The following FOXN3 variants were observed in gnomAD, a reference collection of about 807,000 sequenced individuals.
FOXN3 encodes forkhead box N3.
Under a neutral mutation model 38.4 loss-of-function variants are expected in FOXN3, and 7 were observed. The ratio of observed to expected loss-of-function variants is 0.18; its 90% CI spans 0.10 to 0.34. The LOEUF is 0.34. Among genes scored for constraint, FOXN3 ranks in the 10% least tolerant of loss-of-function variants. The pLI is 1.00. For missense variants in FOXN3, 456 were observed against 613.4 expected, an observed-to-expected ratio of 0.74 and a Z score of 2.71; for synonymous variants, 230 against 242.2, an observed-to-expected ratio of 0.95 and a Z score of 0.47.
At chr14:89,422,829 G>A (rs1891942789) in intron 1 of FOXN3, among the ~76,000 whole-genome samples, 1 of 152,176 alleles carries the variant, frequency 6.6e-6, no homozygotes, top group Admixed American at 6.5e-5. Context: ...ACTTTAAGAG[G>A]GAAGCAGGGT....
At chr14:89,505,859 G>A (rs1893911462) in intron 1 of FOXN3, among the ~76,000 whole-genome samples, 1 of 150,018 alleles carries the variant, frequency 6.7e-6, no homozygotes, top group Non-Finnish European at 1.5e-5. Flanking sequence ...CCCATCATCT[G>A]AGATGTGGGG....
intron 1 of FOXN3, chr14:89,577,037 C>A (rs243196): frequency 0.89 from 135,576 of 152,168 alleles, 60,764 homozygotes; most frequent in African/African-American, 0.94. Context: ...CTCTTGTCAC[C>A]GTAAAAGGCT....
In FOXN3 at chr14:89,256,068, G is replaced by C. The variant is rs568963958; in HGVS notation, c.745+24882C>G. On this transcript the variant is annotated intron_variant, in intron 4 of 5. Transcript: ENST00000557258. The stretch of plus-strand genomic sequence containing the variant: ...GCACATCTGACATGCCCTAATAAAA[G>C]AACTCATGGTTGCCTGGTGCCAGCG... Among the ~76,000 whole-genome samples the C allele has an allele frequency of 2.0e-5, 3 of 152,246 alleles. No homozygotes were observed. In the East Asian group the frequency reaches 5.8e-4, roughly 29 times the overall value.
At chr14:89,299,012 G>A (rs150750373) in intron 3 of FOXN3, among the ~76,000 whole-genome samples, 108 of 147,382 alleles carry the variant, frequency 7.3e-4, no homozygotes, top group African/African-American at 2.5e-3. Context: ...AATGCCAACT[G>A]TCCTGCCAGT....
chr14:89,270,751 T>C (rs1886128469), intron 4 of FOXN3, among the ~76,000 whole-genome samples: 1 of 152,208 alleles, frequency 6.6e-6, no homozygotes, highest in Admixed American at 6.5e-5. Flanking sequence ...CATAGTAATC[T>C]TGCAAGAGGG....
intron 1 of FOXN3, among the ~76,000 whole-genome samples, chr14:89,570,146 C>T (rs1895461511): frequency 6.6e-6 from 1 of 152,008 alleles, no homozygotes; most frequent in African/African-American, 2.4e-5. Flanking sequence ...ACTACAGGTG[C>T]ATGCCACCAC....
chr14:89,555,233 G>A (rs2139869267), intron 1 of FOXN3, among the ~76,000 whole-genome samples: 1 of 152,258 alleles, frequency 6.6e-6, no homozygotes, highest in South Asian at 2.1e-4. Flanking sequence ...ACAAGTGCAA[G>A]TACATCTGTA....
intron 1 of FOXN3, among the ~76,000 whole-genome samples, chr14:89,491,134 G>C (rs369544374): frequency 6.4e-5 from 8 of 125,330 alleles, no homozygotes; most frequent in African/African-American, 3.0e-4. Context: ...GGCTAATTTT[G>C]TTTTTTGTTT....
At chr14:89,381,339 C>T (rs1446646951) in intron 2 of FOXN3, among the ~76,000 whole-genome samples, 5 of 151,766 alleles carry the variant, frequency 3.3e-5, no homozygotes, top group South Asian at 2.1e-4. Context: ...CCTCGAACCC[C>T]GAGGCCTACA....
intron 1 of FOXN3, among the ~76,000 whole-genome samples, chr14:89,435,308 C>G (rs1367445291): frequency 2.0e-5 from 3 of 151,328 alleles, no homozygotes; most frequent in African/African-American, 7.3e-5. Flanking sequence ...CGAGGTCAAG[C>G]CTTCACTGAG....
intron 4 of FOXN3, among the ~76,000 whole-genome samples, chr14:89,274,017 T>A (rs1161013141): frequency 6.6e-6 from 1 of 152,236 alleles, no homozygotes; most frequent in Admixed American, 6.5e-5. Context: ...ATTAGGTGGA[T>A]GCCCTCCTTT....
intron 1 of FOXN3, among the ~76,000 whole-genome samples, chr14:89,508,571 A>T (rs146130102): frequency 6.6e-6 from 1 of 152,330 alleles, no homozygotes; most frequent in Admixed American, 6.5e-5. Flanking sequence ...TGTCAGCATC[A>T]TTCTCATCTC....
At chr14:89,313,770 T>TATAC (rs1198199522) in intron 3 of FOXN3, among the ~76,000 whole-genome samples, 1 of 152,264 alleles carries the variant, frequency 6.6e-6, no homozygotes, top group African/African-American at 2.4e-5. Flanking sequence ...AATGTGGTAT[T>TATAC]ATACATACAT....
intron 1 of FOXN3, among the ~76,000 whole-genome samples, chr14:89,493,069 C>T (rs186206327): frequency 6.6e-6 from 1 of 152,298 alleles, no homozygotes; most frequent in Non-Finnish European, 1.5e-5. Context: ...TAGTCTCATA[C>T]AGCCCAAAGA....
chr14:89,534,350 C>T (rs1894639294), intron 1 of FOXN3, among the ~76,000 whole-genome samples: 2 of 152,250 alleles, frequency 1.3e-5, no homozygotes, highest in African/African-American at 4.8e-5. Context: ...GATCCACCCA[C>T]TTCAGCCTCC....
chr14:89,461,379 C>T (rs914490127), intron 1 of FOXN3, among the ~76,000 whole-genome samples: 1 of 151,854 alleles, frequency 6.6e-6, no homozygotes, highest in African/African-American at 2.4e-5. Context: ...TGTCTGTCTT[C>T]ACCTACCAGA....
At chr14:89,366,231 C>T (rs561494748) in intron 2 of FOXN3, among the ~76,000 whole-genome samples, 17 of 148,484 alleles carry the variant, frequency 1.1e-4, no homozygotes, top group East Asian at 5.9e-4. Flanking sequence ...CCAGCCTGGG[C>T]GACAGAGCGA....
intron 4 of FOXN3, among the ~76,000 whole-genome samples, chr14:89,280,323 A>G (rs1304304328): frequency 2.0e-5 from 3 of 152,206 alleles, no homozygotes; most frequent in Non-Finnish European, 4.4e-5. Context: ...GTAGAGGTGA[A>G]AGGTCATTGG....
chr14:89,307,307 T>G (rs1459661304), intron 3 of FOXN3, among the ~76,000 whole-genome samples: 4 of 152,230 alleles, frequency 2.6e-5, no homozygotes, highest in African/African-American at 9.6e-5. Context: ...TTAAGATTGT[T>G]TCTCCTCTGT....
Sources: allele counts gnomAD v4.1 joint callset (sites outside exome capture counted in the v4.1 genomes callset), GRCh38; gene constraint gnomAD v4.1.1; transcripts MANE v1.5; gene names NCBI Gene and HGNC (gene_info 2026-07-23, HGNC 2026-07-21).